Variants in MERTK observed in about 807,000 individuals in gnomAD.
MERTK encodes the protein MER proto-oncogene, tyrosine kinase.
A neutral mutation model predicts 99.3 loss-of-function variants in MERTK; 69 were observed. That is an observed-to-expected ratio of 0.70 (90% CI 0.57 to 0.85). The LOEUF (loss-of-function observed/expected upper bound fraction) is 0.85. MERTK is among the 40% of genes least tolerant of loss of function. The probability of loss-of-function intolerance (pLI) is 0.00; values close to 1 mark genes in which losing one functional copy is unlikely to be tolerated. For synonymous variants in MERTK, 426 were observed against 467.6 expected (o/e 0.91, Z 1.15); for missense variants, 1,125 against 1,249.4 (o/e 0.90, Z 1.50).
intron 18 of MERTK, among the ~76,000 whole-genome samples, chr2:112,025,409 G>C (rs775240302): frequency 7.2e-5 from 11 of 152,298 alleles, no homozygotes; most frequent in Non-Finnish European, 1.5e-4. Flanking sequence ...CTGGCACCCA[G>C]GACCTGGTGT....
rs564554696 is a variant in MERTK at position 111,940,732 on chromosome 2, A to G, written c.483-4228A>G. 175 of 853,598 alleles carry G rather than the reference A, an allele frequency of 2.1e-4. 1 individual carries two copies. The South Asian group carries it at 2.2e-3, about 11-fold the overall frequency. The allele number at this position is 853,598 out of a possible 1,614,324, so 52.9% of individuals were successfully genotyped here. A position where few individuals can be genotyped will look rare whatever the true frequency, so the allele number is the denominator to read the frequency against. ...AGCAGTTTTTGCATTATCAGGTACT[A>G]AGTCCTTGTATTTTTCAGCATTATC... On this transcript the variant is annotated intron_variant, in intron 2 of 18. Coordinates refer to ENST00000295408, the MANE Select transcript of MERTK (RefSeq NM_006343.3).
Position 112,001,276 on chromosome 2 carries a change from T to C in MERTK, c.1680T>C (p.Ile560=). Residue 560 remains isoleucine (I), a synonymous_variant, in exon 11 of 19, where the codon ATT becomes ATC. Coordinates refer to ENST00000295408, the MANE Select transcript of MERTK (RefSeq NM_006343.3). ...IAKKSFCRRA[I]ELTLHSLGVS... is the part of the protein sequence containing the mutation. ...AGAAATCCTTCTGTCGGCGAGCCAT[T>C]GAACTTACCTGTAAGTTGACTTTCA... The C allele has an allele frequency of 6.2e-7, 1 of 1,612,236 alleles. No individual in the cohort carries two copies. Among genetic ancestry groups the C allele is most frequent in the Non-Finnish European group, 8.5e-7 (1 of 1,178,220 alleles).
chr2:111,973,051 A>C (rs1248881694), intron 6 of MERTK, among the ~76,000 whole-genome samples: 1 of 151,876 alleles, frequency 6.6e-6, no homozygotes, highest in Non-Finnish European at 1.5e-5. Flanking sequence ...TCTTTTCTTC[A>C]CCCATTTTTG....
intron 1 of MERTK, among the ~76,000 whole-genome samples, chr2:111,914,600 GT>G (rs898323494): frequency 8.6e-5 from 13 of 151,982 alleles, no homozygotes; most frequent in African/African-American, 1.9e-4. Context: ...TTCTTAGAGG[GT>G]TTTTTTTCCC....
chr2:112,019,338 C>G, intron 15 of MERTK, 75 bp from the exon 16 acceptor site: 1 of 1,059,738 alleles, frequency 9.4e-7, no homozygotes, highest in Non-Finnish European at 1.5e-6. Flanking sequence ...GCATCCTTTC[C>G]CCCCCCGGCA....
chr2:112,011,730 G>A (rs1323495707), intron 15 of MERTK, among the ~76,000 whole-genome samples: 3 of 152,140 alleles, frequency 2.0e-5, no homozygotes, highest in Admixed American at 6.5e-5. Context: ...CAGCCTGGGC[G>A]ACAGAGTGAG....
chr2:112,002,251 A>G (rs1325316180), intron 11 of MERTK, among the ~76,000 whole-genome samples: 1 of 152,042 alleles, frequency 6.6e-6, no homozygotes, highest in Non-Finnish European at 1.5e-5. Flanking sequence ...TTTTTCTCCA[A>G]TTCCTCAAAG....
chr2:111,991,302 T>C (rs1430019996), intron 8 of MERTK, among the ~76,000 whole-genome samples: 3 of 152,218 alleles, frequency 2.0e-5, no homozygotes, highest in South Asian at 2.1e-4. Context: ...CTTGGCTCAC[T>C]GCATCCTCCG....
intron 15 of MERTK, chr2:112,015,860 A>T (rs983169520): frequency 6.5e-6 from 1 of 154,364 alleles, no homozygotes; most frequent in African/African-American, 2.4e-5. Flanking sequence ...TTTGAGATTT[A>T]GTTTAAGGTT....
intron 14 of MERTK, chr2:112,008,772 G>A: frequency 2.1e-6 from 1 of 471,770 alleles, no homozygotes; most frequent in Non-Finnish European, 3.9e-6. Context: ...AGACACAGAG[G>A]TGGTTGTGTT....
chr2:111,997,626 A>T, intron 10 of MERTK, 150 bp downstream of exon 10: 1 of 937,086 alleles, frequency 1.1e-6, no homozygotes, highest in Non-Finnish European at 1.7e-6. Context: ...CAGCTTCCTG[A>T]CTTACGCCAT....
At chr2:111,920,896 T>C (rs1315449300) in intron 1 of MERTK, among the ~76,000 whole-genome samples, 9 of 152,210 alleles carry the variant, frequency 5.9e-5, no homozygotes, top group Non-Finnish European at 1.3e-4. Context: ...CCTCAGGTGA[T>C]CTGCCCGCCT....
intron 4 of MERTK, among the ~76,000 whole-genome samples, chr2:111,956,947 CTTT>C (rs71385850): frequency 7.3e-6 from 1 of 137,166 alleles, no homozygotes; most frequent in Non-Finnish European, 1.6e-5. Context: ...TTTCTTTTTT[CTTT>C]TTTTTTTTTT....
intron 2 of MERTK, 94 bp downstream of exon 2, chr2:111,929,634 T>G: frequency 1.1e-6 from 1 of 935,716 alleles, no homozygotes; most frequent in Non-Finnish European, 1.5e-6. Flanking sequence ...TAGCCCAGGC[T>G]GGAGTGCAGT....
At chr2:111,980,820 T>C (rs900188242) in intron 7 of MERTK, among the ~76,000 whole-genome samples, 1 of 152,218 alleles carries the variant, frequency 6.6e-6, no homozygotes, top group Non-Finnish European at 1.5e-5. Context: ...TGTGATTCTT[T>C]GGGAGAATAT....
chr2:111,929,370 A>C lies in MERTK; in HGVS notation c.312A>C (p.Ile104=). Residue 104 remains isoleucine, a synonymous_variant, in exon 2 of 19, where the codon ATA becomes ATC. Transcript: ENST00000295408. The part of the protein sequence containing the change: ...LAFKHTVGHI[I]LSEHKGVKFN... ...TCAAACACACAGTTGGACACATAATACTTTCTGAACATAAAGGTGTCAAAT... is the reference window on the plus strand; with the variant it reads ...TCAAACACACAGTTGGACACATAATCCTTTCTGAACATAAAGGTGTCAAAT... The C allele has an allele frequency of 6.2e-7, 1 of 1,614,060 alleles. No individual in the cohort carries two copies. Among genetic ancestry groups the C allele is most frequent in the Non-Finnish European group, 8.5e-7 (1 of 1,179,998 alleles).
rs967593506 is a variant in MERTK at position 112,009,989 on chromosome 2, A to T, written c.2002A>T (p.Met668Leu). 4.3e-6 allele frequency: 7 copies of T among 1,613,944 alleles called. No homozygotes were observed. The highest frequency in any genetic ancestry group is 1.3e-5 in the African/African-American group (1 of 74,918). Residue 668 changes from methionine to leucine, a missense_variant, in exon 15 of 19, where the codon ATG becomes TTG. By Grantham distance (15) the Met-to-Leu change is conservative. Coordinates refer to ENST00000295408, the MANE Select transcript of MERTK (RefSeq NM_006343.3). Reference sequence around the variant, plus strand: ...GAGCTCTCAAGGCATCCCAAAGCCCATGGTAATTTTACCCTTCATGAAATA... The same window carrying T: ...GAGCTCTCAAGGCATCCCAAAGCCCTTGGTAATTTTACCCTTCATGAAATA... ...EMSSQGIPKP[M>L]VILPFMKYGD...
intron 2 of MERTK, among the ~76,000 whole-genome samples, chr2:111,933,511 A>C (rs949248130): frequency 2.6e-5 from 4 of 152,190 alleles, no homozygotes; most frequent in African/African-American, 9.7e-5. Flanking sequence ...GACTCTAGAG[A>C]GAAACACCTG....
intron 8 of MERTK, among the ~76,000 whole-genome samples, chr2:111,990,620 G>A (rs1676597408): frequency 6.6e-6 from 1 of 152,226 alleles, no homozygotes; most frequent in African/African-American, 2.4e-5. Context: ...CACAGGTTAA[G>A]TATCCCTTAT....
Sources: allele counts gnomAD v4.1 joint callset (sites outside exome capture counted in the v4.1 genomes callset), GRCh38; gene constraint gnomAD v4.1.1; transcripts MANE v1.5; gene names NCBI Gene and HGNC (gene_info 2026-07-23, HGNC 2026-07-21).